Variants in DMD observed in about 807,000 individuals in gnomAD.
DMD encodes the protein mutant dystrophin.
Under a neutral mutation model 330.1 loss-of-function variants are expected in DMD, and 63 were observed. That is an observed-to-expected ratio of 0.19 (90% CI 0.16 to 0.24). The LOEUF is 0.24. Among genes scored for constraint, DMD ranks in the 10% least tolerant of loss-of-function variants. The pLI is 1.00. For synonymous variants in DMD, 1,223 were observed against 959.8 expected (o/e 1.27, Z -5.07); for missense variants, 3,344 against 2,684.1 (o/e 1.25, Z -5.43).
At chrX:32,649,558 TTAAAAA>T (rs2060004453) in intron 9 of DMD, among the ~76,000 whole-genome samples, 2 of 74,533 alleles carry the variant, frequency 2.7e-5, no homozygotes, top group African/African-American at 1.8e-4. Flanking sequence ...TCCGTCTCTT[TTAAAAA>T]AAAAAAAAAA....
chrX:32,297,813 G>A (rs2097504277), intron 42 of DMD, among the ~76,000 whole-genome samples: 1 of 111,390 alleles, frequency 9.0e-6, no homozygotes, highest in Non-Finnish European at 1.9e-5. Flanking sequence ...GACCTTACCA[G>A]GAAGGCAGTT....
intron 29 of DMD, among the ~76,000 whole-genome samples, chrX:32,436,496 T>C (rs987476162): frequency 3.4e-4 from 38 of 111,742 alleles, no homozygotes; most frequent in African/African-American, 1.1e-3. Flanking sequence ...TATTTTTTCT[T>C]TGGGGGAAAT....
chrX:31,242,262 C>CAAAAAAAAAAAAAAAAAAA (rs72176984), intron 63 of DMD, among the ~76,000 whole-genome samples: 1 of 24,643 alleles, frequency 4.1e-5, no homozygotes, highest in African/African-American at 1.2e-4. Flanking sequence ...TCTCAAAAAG[C>CAAAAAAAAAAAAAAAAAAA]AAAAAAAAAA....
At chrX:32,110,941 T>G (rs768277689) in intron 44 of DMD, among the ~76,000 whole-genome samples, 1 of 112,051 alleles carries the variant, frequency 8.9e-6, no homozygotes, top group East Asian at 2.8e-4. Flanking sequence ...TATCCAACAT[T>G]GAAGGCAGAT....
Position 32,949,251 on chromosome X carries a change from TACACACACACACACACAC to T in DMD, c.93+70870_93+70887del, listed in dbSNP as rs10587318. 4.8e-3 allele frequency among the ~76,000 whole-genome samples: 431 copies of T among 89,596 alleles called. 4 individuals are homozygous for T. The highest frequency in any genetic ancestry group is 0.017 in the African/African-American group (411 of 24,196). 77.8% of individuals were successfully genotyped at this position (89,596 alleles called of 115,157 possible). On this transcript the variant is annotated intron_variant, in intron 2 of 78. Transcript: ENST00000357033. ...CCATTGCTTCAATTAAATCGTTACA[TACACACACACACACACAC>T]ACACACACACACACACACACACGCA... is the stretch of plus-strand genomic sequence containing the variant.
chrX:32,042,347 C>T (rs1399587416), intron 44 of DMD, among the ~76,000 whole-genome samples: 5 of 108,848 alleles, frequency 4.6e-5, no homozygotes. Flanking sequence ...AGGTGAAGGG[C>T]ATAGTAGAAA....
At chrX:33,100,556 T>TGGC (rs1388240686) in intron 1 of DMD, among the ~76,000 whole-genome samples, 1 of 110,273 alleles carries the variant, frequency 9.1e-6, no homozygotes, top group Non-Finnish European at 1.9e-5. Flanking sequence ...TCAGGGATGG[T>TGGC]GGCGCATGCC....
intron 47 of DMD, among the ~76,000 whole-genome samples, chrX:31,916,241 G>A (rs1220873945): frequency 8.9e-6 from 1 of 111,978 alleles, no homozygotes; most frequent in South Asian, 3.7e-4. Context: ...AACAGCTCAC[G>A]GGACCCCACA....
chrX:31,609,678 T>G (rs1036671119), intron 55 of DMD, among the ~76,000 whole-genome samples: 4 of 112,108 alleles, frequency 3.6e-5, no homozygotes, highest in Non-Finnish European at 1.9e-5. Flanking sequence ...AGGGTGAATT[T>G]CAAATTGGCG....
At chrX:31,884,835 A>G (rs2094127955) in intron 47 of DMD, among the ~76,000 whole-genome samples, 1 of 111,753 alleles carries the variant, frequency 8.9e-6, no homozygotes, top group Non-Finnish European at 1.9e-5. Context: ...ATATTTGTGA[A>G]TGATTAGAAA....
intron 9 of DMD, among the ~76,000 whole-genome samples, chrX:32,646,881 T>C (rs1034953230): frequency 3.6e-5 from 4 of 111,364 alleles, no homozygotes; most frequent in African/African-American, 1.3e-4. Context: ...AACTTCATCA[T>C]ATCAAAGAGG....
intron 51 of DMD, among the ~76,000 whole-genome samples, chrX:31,766,027 G>T (rs1265911791): frequency 9.0e-6 from 1 of 110,611 alleles, no homozygotes; most frequent in Admixed American, 9.6e-5. Flanking sequence ...CAGACTTTAA[G>T]GACCAAAAGT....
chrX:32,480,940 C>A (rs1443031025), intron 21 of DMD, among the ~76,000 whole-genome samples: 1 of 110,736 alleles, frequency 9.0e-6, no homozygotes, highest in Non-Finnish European at 1.9e-5. Context: ...CAAAACATTC[C>A]TTTGCCTAGA....
intron 47 of DMD, among the ~76,000 whole-genome samples, chrX:31,913,830 G>A (rs2094575920): frequency 8.9e-6 from 1 of 112,148 alleles, no homozygotes; most frequent in African/African-American, 3.2e-5. Context: ...ACATTTATTT[G>A]GGTAAGAATT....
At chrX:33,051,730 C>T (rs2094460674) in intron 1 of DMD, among the ~76,000 whole-genome samples, 1 of 102,223 alleles carries the variant, frequency 9.8e-6, no homozygotes, top group Non-Finnish European at 2.0e-5. Flanking sequence ...CTCACTGCAA[C>T]CTCCGCTTCC....
intron 1 of DMD, among the ~76,000 whole-genome samples, chrX:33,128,681 T>C (rs749738092): frequency 1.6e-4 from 18 of 111,658 alleles, no homozygotes; most frequent in African/African-American, 5.5e-4. Flanking sequence ...CAAACTGGTG[T>C]TAGTGAAAAA....
intron 47 of DMD, among the ~76,000 whole-genome samples, chrX:31,889,670 C>CACACACAT (rs2094212077): frequency 1.3e-5 from 1 of 77,852 alleles, no homozygotes; most frequent in African/African-American, 5.6e-5. Flanking sequence ...CACACACACA[C>CACACACAT]ACACACACAC....
At chrX:32,878,429 A>G (rs181594258) in intron 2 of DMD, among the ~76,000 whole-genome samples, 3 of 111,998 alleles carry the variant, frequency 2.7e-5, no homozygotes, top group East Asian at 2.8e-4. Context: ...TAACTTCGAC[A>G]GAATGTTAGA....
chrX:33,227,388 G>T (rs748201562), intron 1 of DMD, among the ~76,000 whole-genome samples: 1 of 110,638 alleles, frequency 9.0e-6, no homozygotes, highest in Non-Finnish European at 1.9e-5. Flanking sequence ...TCCATGGCAA[G>T]GCTAAGTTTT....
Sources: allele counts gnomAD v4.1 joint callset (sites outside exome capture counted in the v4.1 genomes callset), GRCh38; gene constraint gnomAD v4.1.1; transcripts MANE v1.5; gene names NCBI Gene and HGNC (gene_info 2026-07-23, HGNC 2026-07-21).